The following TNFRSF8 variants were observed in gnomAD, a reference collection of about 807,000 sequenced individuals.
TNFRSF8 encodes tumor necrosis factor receptor superfamily member 8.
Under a neutral mutation model 70.8 loss-of-function variants are expected in TNFRSF8, and 26 were observed. The observed-to-expected ratio is 0.37, with a 90% confidence interval of 0.27 to 0.51. The LOEUF (loss-of-function observed/expected upper bound fraction) is 0.51. TNFRSF8 is among the 20% of genes least tolerant of loss of function. TNFRSF8 has a pLI of 0.94. For synonymous variants in TNFRSF8, 356 were observed against 339.2 expected, an observed-to-expected ratio of 1.05 and a Z score of -0.54; for missense variants, 720 against 807.9, an observed-to-expected ratio of 0.89 and a Z score of 1.32.
intron 4 of TNFRSF8, among the ~76,000 whole-genome samples, chr1:12,107,419 A>T (rs2100999843): frequency 6.6e-6 from 1 of 152,198 alleles, no homozygotes; most frequent in South Asian, 2.1e-4. Context: ...ATAAAAAATA[A>T]AAAAAATGCA....
intron 12 of TNFRSF8, among the ~76,000 whole-genome samples, chr1:12,128,995 T>C (rs1641997063): frequency 6.6e-6 from 1 of 151,998 alleles, no homozygotes; most frequent in Admixed American, 6.6e-5. Flanking sequence ...CCACCATGCC[T>C]GGCTAATTTT....
intron 2 of TNFRSF8, among the ~76,000 whole-genome samples, chr1:12,093,257 T>C (rs58664135): frequency 0.025 from 3,735 of 152,216 alleles, 117 homozygotes; most frequent in African/African-American, 0.066. Context: ...ATATATTTTT[T>C]TGGGGAGACA....
chr1:12,123,613 C>T, intron 9 of TNFRSF8, 102 bp from the exon 10 acceptor site: 4 of 1,121,432 alleles, frequency 3.6e-6, no homozygotes, highest in Admixed American at 2.2e-5. Flanking sequence ...ATCTAGGGGC[C>T]CAGGCTCTGG....
intron 1 of TNFRSF8, among the ~76,000 whole-genome samples, chr1:12,083,943 G>A (rs1358850198): frequency 1.3e-5 from 2 of 152,180 alleles, no homozygotes; most frequent in Non-Finnish European, 2.9e-5. Flanking sequence ...GTGGGAGGGG[G>A]GATGACGGAG....
chr1:12,131,941 G>A (rs1221007706), intron 12 of TNFRSF8, among the ~76,000 whole-genome samples: 5 of 151,730 alleles, frequency 3.3e-5, no homozygotes, highest in Non-Finnish European at 5.9e-5. Context: ...TTATAGGCGC[G>A]CGCCACCATG....
Position 12,138,768 on chromosome 1 carries a change from G to A in TNFRSF8, c.1543+332G>A, listed in dbSNP as rs1238198759. On this transcript the variant is annotated intron_variant, in intron 14 of 14. Coordinates refer to ENST00000263932, the MANE Select transcript of TNFRSF8 (RefSeq NM_001243.5). This position sits in a 1 kb window ranked among gnomAD's most constrained non-coding sequence, Gnocchi z 5.7. ...GGTCACAGGACCTGCCACTTGTCTG[G>A]CGCATTCCGGGCACTGTGTAGGTGC... 2.0e-5 allele frequency among the ~76,000 whole-genome samples: 3 copies of A among 152,210 alleles called. No homozygotes were observed. The highest frequency in any genetic ancestry group is 4.4e-5 in the Non-Finnish European group (3 of 68,036).
chr1:12,106,880 A>G (rs896764369), intron 4 of TNFRSF8, among the ~76,000 whole-genome samples: 1 of 152,246 alleles, frequency 6.6e-6, no homozygotes, highest in African/African-American at 2.4e-5. Context: ...CTCTCCAAAA[A>G]GGCCAAACTT....
chr1:12,065,065 T>TTC (rs1183443834), intron 1 of TNFRSF8, among the ~76,000 whole-genome samples: 3 of 148,118 alleles, frequency 2.0e-5, no homozygotes, highest in Non-Finnish European at 3.0e-5. Flanking sequence ...CAGCCTGAAC[T>TTC]CTCATACCAA....
intron 10 of TNFRSF8, 139 bp downstream of exon 10, chr1:12,123,966 G>T: frequency 1.5e-6 from 1 of 680,902 alleles, no homozygotes; most frequent in Admixed American, 2.9e-5. Context: ...CCAGGTTTCT[G>T]GCTTCTTGAG....
chr1:12,142,936 A>ATCT lies in TNFRSF8; in HGVS notation c.*405_*406insTCT. 5.6e-6 allele frequency: 1 copy of ATCT among 177,486 alleles called. No individual in the cohort carries two copies. Among genetic ancestry groups the ATCT allele is most frequent in the South Asian group, 1.3e-4 (1 of 7,438 alleles). 11.0% of individuals were successfully genotyped at this position (177,486 alleles called of 1,614,324 possible). On this transcript the variant is annotated 3_prime_UTR_variant, in exon 15 of 15. Transcript: ENST00000263932. This position sits in a 1 kb window ranked among gnomAD's most constrained non-coding sequence, Gnocchi z 5.0. The stretch of plus-strand genomic sequence containing the variant: ...TGAGGCCAGCTCCCGGGGCCCCTGT[A>ATCT]ACCCTACTCTCCTCTCTCCCTGGAC...
intron 1 of TNFRSF8, among the ~76,000 whole-genome samples, chr1:12,081,670 G>A (rs1262282554): frequency 3.4e-5 from 5 of 146,412 alleles, no homozygotes; most frequent in Middle Eastern, 6.9e-3. Context: ...AAAAAAAAAA[G>A]AATGATGTAA....
At chr1:12,114,166 C>G (rs1641683496) in intron 7 of TNFRSF8, among the ~76,000 whole-genome samples, 1 of 152,144 alleles carries the variant, frequency 6.6e-6, no homozygotes, top group Non-Finnish European at 1.5e-5. Context: ...ACTTGATAGC[C>G]TATAACCTCA....
At position 12,109,559 on chromosome 1, in the gene TNFRSF8, C is replaced by T. The variant is rs539593455; in HGVS notation, c.422-7C>T. 12 of 1,612,908 alleles carry T rather than the reference C, an allele frequency of 7.4e-6. No individual in the cohort carries two copies. The highest frequency in any genetic ancestry group is 1.7e-5 in the Admixed American group (1 of 59,976). Reference sequence around the variant, plus strand: ...TGATTCTGAAGGCACTGCTGTCCCCCCTGCAGGCACGGCGCAGAAGAACAC... The same window carrying T: ...TGATTCTGAAGGCACTGCTGTCCCCTCTGCAGGCACGGCGCAGAAGAACAC... On this transcript the variant is annotated splice_polypyrimidine_tract_variant and splice_region_variant and intron_variant, in intron 4 of 14. Transcript: ENST00000263932. This position sits in a 1 kb window ranked among gnomAD's most constrained non-coding sequence, Gnocchi z 4.4.
At chr1:12,067,874 C>T (rs1005374496) in intron 1 of TNFRSF8, among the ~76,000 whole-genome samples, 3 of 86,062 alleles carry the variant, frequency 3.5e-5, no homozygotes, top group South Asian at 7.7e-4. Context: ...CTGCTCAAAT[C>T]CTGCAGGGAG....
intron 3 of TNFRSF8, among the ~76,000 whole-genome samples, chr1:12,098,677 T>TA (rs200541771): frequency 7.2e-4 from 106 of 146,308 alleles, no homozygotes; most frequent in Admixed American, 1.0e-3. Flanking sequence ...GCAATTCCTT[T>TA]AAAAAAAAAA....
intron 2 of TNFRSF8, 130 bp from the exon 3 acceptor site, chr1:12,096,971 T>G: frequency 1.5e-6 from 1 of 669,964 alleles, no homozygotes; most frequent in Non-Finnish European, 2.6e-6. Context: ...AACACAAGAA[T>G]TGGACTGACA....
intron 12 of TNFRSF8, among the ~76,000 whole-genome samples, chr1:12,129,615 C>A (rs1157740583): frequency 3.3e-5 from 5 of 152,112 alleles, no homozygotes; most frequent in Non-Finnish European, 5.9e-5. Flanking sequence ...ATGGATGCTC[C>A]TTGCTTTGGG....
At chr1:12,072,822 A>G (rs1569980532) in intron 1 of TNFRSF8, among the ~76,000 whole-genome samples, 1 of 152,332 alleles carries the variant, frequency 6.6e-6, no homozygotes, top group Non-Finnish European at 1.5e-5. Flanking sequence ...GGAAACTCCT[A>G]AACCCCACCT....
chr1:12,094,631 GCT>G lies in TNFRSF8; in HGVS notation c.152-2469_152-2468del, dbSNP rs1641299693. Reference sequence around the variant, plus strand: ...GAAGCTAGTTTTTTTTTTTTTTTTTGCTTTTTTTTTTTGAGACGGAGTCTCAC... The same window carrying G: ...GAAGCTAGTTTTTTTTTTTTTTTTTGTTTTTTTTTTGAGACGGAGTCTCAC... On this transcript the variant is annotated intron_variant, in intron 2 of 14. Coordinates refer to ENST00000263932, the MANE Select transcript of TNFRSF8 (RefSeq NM_001243.5). Among the ~76,000 whole-genome samples the G allele has an allele frequency of 1.2e-3, 101 of 84,126 alleles. 1 individual carries two copies. The highest frequency in any genetic ancestry group is 5.8e-3 in the African/African-American group (100 of 17,216). The allele number at this position is 84,126 out of a possible 152,430, so 55.2% of individuals were successfully genotyped here.
Sources: allele counts gnomAD v4.1 joint callset (sites outside exome capture counted in the v4.1 genomes callset), GRCh38; gene constraint gnomAD v4.1.1; non-coding constraint Gnocchi (gnomAD v3.1); transcripts MANE v1.5; gene names NCBI Gene and HGNC (gene_info 2026-07-23, HGNC 2026-07-21).